Variants in NBEA observed in about 807,000 individuals in gnomAD.
NBEA encodes neurobeachin.
Under a neutral mutation model 343.4 loss-of-function variants are expected in NBEA, and 44 were observed. The observed-to-expected ratio is 0.13, with a 90% confidence interval of 0.10 to 0.16. NBEA has a LOEUF of 0.16. Among genes scored for constraint, NBEA ranks in the 10% least tolerant of loss-of-function variants. The pLI is 1.00. For synonymous variants in NBEA, 1,175 were observed against 1,238.7 expected, an observed-to-expected ratio of 0.95 and a Z score of 1.08; for missense variants, 2,555 against 3,631.3, an observed-to-expected ratio of 0.70 and a Z score of 7.62.
intron 38 of NBEA, among the ~76,000 whole-genome samples, chr13:35,414,480 G>T (rs1181926858): frequency 6.6e-6 from 1 of 151,986 alleles, no homozygotes; most frequent in Non-Finnish European, 1.5e-5. Flanking sequence ...AACATGTGGT[G>T]GTTGGTTTTC....
intron 1 of NBEA, among the ~76,000 whole-genome samples, chr13:35,039,814 G>A (rs2062583329): frequency 6.6e-6 from 1 of 152,014 alleles, no homozygotes; most frequent in African/African-American, 2.4e-5. Flanking sequence ...TCCTAATCTT[G>A]TTTTGCCTTT....
intron 47 of NBEA, among the ~76,000 whole-genome samples, chr13:35,595,109 TATACCACCAGTCTCTG>T (rs753106554): frequency 4.6e-5 from 7 of 152,030 alleles, no homozygotes; most frequent in Non-Finnish European, 1.0e-4. Flanking sequence ...ACTGATGCTT[TATACCACCAGTCTCTG>T]ATAACCGATG....
chr13:35,155,695 CA>C (rs1490410478), intron 18 of NBEA, 78 bp from the exon 19 acceptor site: 1 of 1,070,512 alleles, frequency 9.3e-7, no homozygotes, highest in Non-Finnish European at 1.4e-6. Context: ...ATTTCTTTTG[CA>C]GGTTCATTGT....
At chr13:35,625,264 A>G (rs1244965082) in intron 48 of NBEA, among the ~76,000 whole-genome samples, 2 of 152,236 alleles carry the variant, frequency 1.3e-5, no homozygotes, top group Non-Finnish European at 2.9e-5. Flanking sequence ...TAATAGATAT[A>G]TGACATTTGG....
chr13:35,155,600 A>G (rs2069115867), intron 18 of NBEA, among the ~76,000 whole-genome samples, 174 bp from the exon 19 acceptor site: 1 of 152,220 alleles, frequency 6.6e-6, no homozygotes, highest in South Asian at 2.1e-4. Flanking sequence ...CAACCTGGGC[A>G]ACAAGAGTGA....
At chr13:35,372,225 C>T (rs751516658) in intron 38 of NBEA, among the ~76,000 whole-genome samples, 24 of 152,170 alleles carry the variant, frequency 1.6e-4, no homozygotes, top group Non-Finnish European at 3.1e-4. Flanking sequence ...GACAACCCTC[C>T]GGCTCCCAAG....
At chr13:35,554,532 G>A (rs2079492456) in intron 43 of NBEA, among the ~76,000 whole-genome samples, 1 of 152,184 alleles carries the variant, frequency 6.6e-6, no homozygotes, top group Non-Finnish European at 1.5e-5. Flanking sequence ...GGCAGAGGCT[G>A]TGCATGTGTA....
chr13:35,562,604 C>G (rs1272690304), intron 44 of NBEA, among the ~76,000 whole-genome samples: 1 of 151,978 alleles, frequency 6.6e-6, no homozygotes, highest in Non-Finnish European at 1.5e-5. Context: ...TGAACAAGCC[C>G]TCCCTGGTTA....
intron 4 of NBEA, among the ~76,000 whole-genome samples, chr13:35,046,738 C>G (rs2062870866): frequency 6.6e-6 from 1 of 152,096 alleles, no homozygotes; most frequent in African/African-American, 2.4e-5. Flanking sequence ...CTTTGTCTCT[C>G]TCTCAAAATA....
At chr13:35,042,130 A>G (rs2062675490) in intron 2 of NBEA, among the ~76,000 whole-genome samples, 1 of 151,948 alleles carries the variant, frequency 6.6e-6, no homozygotes, top group Non-Finnish European at 1.5e-5. Context: ...AATGGCTTAA[A>G]AAAGAATGCA....
intron 49 of NBEA, among the ~76,000 whole-genome samples, chr13:35,645,321 T>C (rs2084174748): frequency 6.6e-6 from 1 of 152,228 alleles, no homozygotes; most frequent in Admixed American, 6.5e-5. Flanking sequence ...CTTCTCCTTG[T>C]TGACATAAAT....
rs149483022 is a variant in NBEA at position 35,287,180 on chromosome 13, G to T, written c.5777-3209G>T. Among the ~76,000 whole-genome samples the T allele has an allele frequency of 1.1e-3, 170 of 152,064 alleles. No individual in the cohort carries two copies. The East Asian group carries it at 0.022, about 19-fold the overall frequency. On this transcript the variant is annotated intron_variant, in intron 34 of 58. Transcript: ENST00000379939. ...TTTATACTGCTAAGCTGTATGGCTT[G>T]CAGTACTGAATCAGTAATTCTGGTT...
chr13:35,622,059 A>G (rs1451403208), intron 48 of NBEA, among the ~76,000 whole-genome samples: 2 of 152,218 alleles, frequency 1.3e-5, no homozygotes, highest in Admixed American at 1.3e-4. Flanking sequence ...AGAAATTCAT[A>G]GAAAAAAACA....
At chr13:35,465,196 T>G (rs2047104791) in intron 40 of NBEA, among the ~76,000 whole-genome samples, 1 of 152,120 alleles carries the variant, frequency 6.6e-6, no homozygotes, top group Non-Finnish European at 1.5e-5. Flanking sequence ...ATGTAATATA[T>G]TAATTTAAGT....
chr13:35,636,679 A>G (rs1319009039), intron 49 of NBEA, among the ~76,000 whole-genome samples: 1 of 152,134 alleles, frequency 6.6e-6, no homozygotes, highest in East Asian at 1.9e-4. Context: ...GTTTATATAA[A>G]CTTATTCAAC....
At chr13:34,966,973 T>TTC (rs2059842159) in intron 1 of NBEA, among the ~76,000 whole-genome samples, 1 of 151,564 alleles carries the variant, frequency 6.6e-6, no homozygotes, top group Admixed American at 6.6e-5. Context: ...TTTTTTTTTT[T>TTC]TCTCATAACA....
At chr13:34,994,671 G>A (rs767627383) in intron 1 of NBEA, among the ~76,000 whole-genome samples, 4 of 152,040 alleles carry the variant, frequency 2.6e-5, no homozygotes, top group Non-Finnish European at 5.9e-5. Context: ...ATTATAACTA[G>A]TCCTGTAAAC....
intron 45 of NBEA, among the ~76,000 whole-genome samples, chr13:35,574,269 C>A (rs2080602054): frequency 7.0e-6 from 1 of 142,104 alleles, no homozygotes; most frequent in Admixed American, 7.4e-5. Flanking sequence ...ATTATTTCTC[C>A]ATAATACATA....
intron 41 of NBEA, among the ~76,000 whole-genome samples, chr13:35,477,858 A>G (rs1208119835): frequency 1.3e-5 from 2 of 152,146 alleles, no homozygotes; most frequent in Non-Finnish European, 2.9e-5. Flanking sequence ...TTCATTTCTG[A>G]ATTTTGGAAC....
Sources: gnomAD v4.1 joint callset for allele counts (sites outside exome capture counted in the v4.1 genomes callset) on GRCh38, gnomAD v4.1.1 for gene constraint, MANE v1.5 for transcripts, NCBI Gene and HGNC (gene_info 2026-07-23, HGNC 2026-07-21) for gene names.